Variants in STRIP2 observed in about 807,000 individuals in gnomAD.
STRIP2 encodes striatin interacting protein 2.
Under a neutral mutation model 107.1 loss-of-function variants are expected in STRIP2, and 84 were observed. The ratio of observed to expected loss-of-function variants is 0.78; its 90% CI spans 0.66 to 0.94. The LOEUF (loss-of-function observed/expected upper bound fraction) is 0.94. Ranked by LOEUF, STRIP2 falls within the 40% of genes least tolerant of loss-of-function variation. The pLI, the probability that STRIP2 is intolerant of heterozygous loss-of-function variation, is 0.00. For missense variants in STRIP2, 888 were observed against 1,034.2 expected (o/e 0.86, Z 1.94); for synonymous variants, 394 against 400.4 (o/e 0.98, Z 0.19).
intron 18 of STRIP2, among the ~76,000 whole-genome samples, chr7:129,477,057 C>T (rs1178720190): frequency 6.6e-6 from 1 of 151,366 alleles, no homozygotes; most frequent in Non-Finnish European, 1.5e-5. Flanking sequence ...CGCCTGCAAT[C>T]GCAGGCACTC....
chr7:129,458,232 G>A lies in STRIP2; in HGVS notation c.1056G>A (p.Gln352=). Residue 352 remains glutamine, a synonymous_variant, in exon 10 of 21, where the codon CAG becomes CAA. Transcript: ENST00000249344. This position sits in a 1 kb window ranked among gnomAD's most constrained non-coding sequence, Gnocchi z 4.6. ...RGSRRQLLTK[Q]DSLDIYNERD... is the part of the protein sequence containing the mutation. ...CCCTCCAGCAACTCCTCACTAAGCA[G>A]GACAGCCTGGACATCTACAATGAAA... 1 of 1,614,124 alleles carries A rather than the reference G, an allele frequency of 6.2e-7. No homozygotes were observed. The highest frequency in any genetic ancestry group is 8.5e-7 in the Non-Finnish European group (1 of 1,180,010).
intron 1 of STRIP2, among the ~76,000 whole-genome samples, chr7:129,439,766 G>A (rs1288680382): frequency 6.6e-6 from 1 of 152,084 alleles, no homozygotes; most frequent in Non-Finnish European, 1.5e-5. Flanking sequence ...TTTCATATAT[G>A]TTTGAGATCC....
intron 18 of STRIP2, among the ~76,000 whole-genome samples, chr7:129,474,173 C>T (rs73234775): frequency 3.8e-3 from 573 of 151,252 alleles, no homozygotes; most frequent in Non-Finnish European, 6.9e-3. Context: ...GACAGGGTCT[C>T]GAAGTTGCTC....
intron 18 of STRIP2, among the ~76,000 whole-genome samples, chr7:129,473,614 C>T (rs1798844969): frequency 6.6e-6 from 1 of 152,216 alleles, no homozygotes; most frequent in Non-Finnish European, 1.5e-5. Context: ...AAGCAATCTG[C>T]CCTCCTTGGC....
intron 18 of STRIP2, among the ~76,000 whole-genome samples, chr7:129,479,052 A>G (rs1040036389): frequency 1.3e-5 from 2 of 152,168 alleles, no homozygotes; most frequent in Non-Finnish European, 2.9e-5. Context: ...AGGGAGGTGG[A>G]TCACCTGAGG....
Position 129,461,638 on chromosome 7 carries a change from C to G in STRIP2, c.1476+1266C>G, listed in dbSNP as rs943406436. 6.6e-6 allele frequency among the ~76,000 whole-genome samples: 1 copy of G among 152,080 alleles called. No homozygotes were observed. Among genetic ancestry groups the G allele is most frequent in the Non-Finnish European group, 1.5e-5 (1 of 68,030 alleles). On this transcript the variant is annotated intron_variant, in intron 13 of 20. Transcript: ENST00000249344. This position sits in a 1 kb window ranked among gnomAD's most constrained non-coding sequence, Gnocchi z 4.0. ...GGCATTATGGTAAGAACCAAGGTGC[C>G]CATTGGATTTGGCAACATGAAGATA...
intron 18 of STRIP2, among the ~76,000 whole-genome samples, chr7:129,471,837 T>C (rs1584962697): frequency 6.6e-6 from 1 of 152,046 alleles, no homozygotes; most frequent in African/African-American, 2.4e-5. Context: ...TTTTTACCAC[T>C]GGGATAGAGA....
intron 18 of STRIP2, chr7:129,477,951 A>C (rs915135289): frequency 5.8e-6 from 3 of 519,740 alleles, no homozygotes; most frequent in Non-Finnish European, 1.2e-5. Flanking sequence ...GGTGGCAGAC[A>C]TGTCCAAGGA....
At chr7:129,468,161 T>G (rs1798714452) in intron 17 of STRIP2, among the ~76,000 whole-genome samples, 1 of 152,178 alleles carries the variant, frequency 6.6e-6, no homozygotes, top group African/African-American at 2.4e-5. Context: ...TTCCTTAATA[T>G]TCTACTTTCA....
At position 129,485,595 on chromosome 7, in the gene STRIP2, A is replaced by G. The variant is rs146590809; in HGVS notation, c.2271A>G (p.Pro757=). 88 of 1,613,784 alleles carry G rather than the reference A, an allele frequency of 5.5e-5. No individual in the cohort carries two copies. Among genetic ancestry groups the G allele is most frequent in the Non-Finnish European group, 7.1e-5 (84 of 1,179,992 alleles). The part of the protein sequence containing the change: ...WAYGNDIDAR[P]WDFQAEECTL... ...CCAACACAGACATCGATGCCAGACCATGGGACTTCCAAGCAGAAGAATGTA... is the reference window on the plus strand; with the variant it reads ...CCAACACAGACATCGATGCCAGACCGTGGGACTTCCAAGCAGAAGAATGTA... Residue 757 remains proline, a synonymous_variant, in exon 21 of 21, where the codon CCA becomes CCG. Transcript: ENST00000249344.
intron 18 of STRIP2, among the ~76,000 whole-genome samples, chr7:129,473,447 C>G (rs1465774648): frequency 2.0e-5 from 3 of 151,744 alleles, no homozygotes; most frequent in African/African-American, 7.3e-5. Context: ...CGGCCCATCG[C>G]AGCCTCAAGC....
chr7:129,440,352 T>C (rs1238233490), intron 2 of STRIP2, among the ~76,000 whole-genome samples: 1 of 152,214 alleles, frequency 6.6e-6, no homozygotes, highest in African/African-American at 2.4e-5. Flanking sequence ...TTTATTCTCT[T>C]TGAAAATAAC....
Position 129,485,963 on chromosome 7 carries a change from G to C in STRIP2, c.*134G>C, listed in dbSNP as rs916351468. ...GCTCTTGGGCCTAAAGATGGTGCAA[G>C]GGTGGGATCCTGAATCACAATAAAA... is the stretch of plus-strand genomic sequence containing the variant. On this transcript the variant is annotated 3_prime_UTR_variant, in exon 21 of 21. Coordinates refer to ENST00000249344, the MANE Select transcript of STRIP2 (RefSeq NM_020704.3). The C allele has an allele frequency of 1.0e-6, 1 of 1,003,206 alleles. No individual in the cohort carries two copies. The highest frequency in any genetic ancestry group is 1.5e-6 in the Non-Finnish European group (1 of 685,148). The allele number at this position is 1,003,206 out of a possible 1,614,324, so 62.1% of individuals were successfully genotyped here.
intron 1 of STRIP2, among the ~76,000 whole-genome samples, chr7:129,436,702 T>G (rs35714254): frequency 0.022 from 3,340 of 152,326 alleles, 127 homozygotes; most frequent in African/African-American, 0.074. Flanking sequence ...AAGGCAGTCC[T>G]TAGAGGAGAT....
At chr7:129,448,492 A>T (rs1228802675) in intron 3 of STRIP2, among the ~76,000 whole-genome samples, 4 of 152,182 alleles carry the variant, frequency 2.6e-5, no homozygotes, top group African/African-American at 9.7e-5. Flanking sequence ...AACTGGCTCA[A>T]GTCTGGAAAT....
At chr7:129,481,318 G>A (rs1562919796) in intron 19 of STRIP2, among the ~76,000 whole-genome samples, 1 of 151,452 alleles carries the variant, frequency 6.6e-6, no homozygotes, top group Non-Finnish European at 1.5e-5. Context: ...CCAACATGGT[G>A]AAACTCCATC....
chr7:129,462,962 A>G lies in STRIP2; in HGVS notation c.1477-4A>G, dbSNP rs769966172. The G allele has an allele frequency of 1.2e-6, 2 of 1,613,594 alleles. No individual in the cohort carries two copies. Among genetic ancestry groups the G allele is most frequent in the East Asian group, 2.2e-5 (1 of 44,884 alleles). ...ATTGCCAAACCATGTATTTCTTGCC[A>G]TAGGGGGAAGAGGTGGTACCAGAGA... On this transcript the variant is annotated splice_polypyrimidine_tract_variant and splice_region_variant and intron_variant, in intron 13 of 20. Transcript: ENST00000249344.
intron 12 of STRIP2, 94 bp downstream of exon 12, chr7:129,459,674 C>A: frequency 9.6e-7 from 1 of 1,042,952 alleles, no homozygotes; most frequent in Non-Finnish European, 1.5e-6. Context: ...GCTTTTATAC[C>A]AGACTCTTTC....
intron 2 of STRIP2, among the ~76,000 whole-genome samples, chr7:129,443,415 T>C (rs1048773364): frequency 6.6e-6 from 1 of 152,226 alleles, no homozygotes; most frequent in Admixed American, 6.5e-5. Flanking sequence ...AAGTTAGATT[T>C]TCCTGGGCAC....
Sources: gnomAD v4.1 joint callset for allele counts (sites outside exome capture counted in the v4.1 genomes callset) on GRCh38, gnomAD v4.1.1 for gene constraint, Gnocchi (gnomAD v3.1) non-coding constraint, MANE v1.5 for transcripts, NCBI Gene and HGNC (gene_info 2026-07-23, HGNC 2026-07-21) for gene names.